Variants in P4HA1 observed in about 807,000 individuals in gnomAD.
P4HA1 encodes the protein prolyl 4-hydroxylase subunit alpha 1.
P4HA1 carries 24 observed loss-of-function variants against 72.8 expected under a neutral mutation model. The ratio of observed to expected loss-of-function variants is 0.33; its 90% confidence interval spans 0.24 to 0.46. P4HA1 has a LOEUF of 0.46. Among genes scored for constraint, P4HA1 ranks in the 20% least tolerant of loss-of-function variants. The pLI is 1.00. For missense variants in P4HA1, 446 were observed against 640.6 expected, an observed-to-expected ratio of 0.70 and a Z score of 3.28; for synonymous variants, 201 against 218.8, an observed-to-expected ratio of 0.92 and a Z score of 0.72.
At chr10:73,028,257 C>T (rs1023171324) in intron 10 of P4HA1, among the ~76,000 whole-genome samples, 43 of 150,854 alleles carry the variant, frequency 2.9e-4, no homozygotes, top group East Asian at 1.8e-3. Flanking sequence ...GAAAAGACCA[C>T]GTGTTCTGAC....
At chr10:73,016,950 T>C in intron 10 of P4HA1, 51 bp from the exon 11 acceptor site, 1 of 1,431,700 alleles carries the variant, frequency 7.0e-7, no homozygotes, top group African/African-American at 1.4e-5. Context: ...AGATTACTAT[T>C]CAAAAAAAAT....
At chr10:73,087,442 A>C (rs1176700548) in intron 1 of P4HA1, among the ~76,000 whole-genome samples, 1 of 151,510 alleles carries the variant, frequency 6.6e-6, no homozygotes, top group Non-Finnish European at 1.5e-5. Flanking sequence ...CCAATTTTGT[A>C]TTTTTAGTAG....
chr10:73,069,710 A>C (rs1232300267), intron 4 of P4HA1, among the ~76,000 whole-genome samples: 2 of 152,216 alleles, frequency 1.3e-5, no homozygotes, highest in African/African-American at 4.8e-5. Context: ...CTTAAGAAAT[A>C]AAAAATTGGT....
chr10:73,047,639 G>A (rs1296262048), intron 7 of P4HA1, among the ~76,000 whole-genome samples: 2 of 139,980 alleles, frequency 1.4e-5, no homozygotes, highest in Non-Finnish European at 3.1e-5. Context: ...ATTAAACAAA[G>A]ATCCCAGATG....
chr10:73,038,828 G>A lies in P4HA1; in HGVS notation c.1148+6153C>T, dbSNP rs1273627199. Among the ~76,000 whole-genome samples, 3 of 114,926 alleles carry A rather than the reference G, an allele frequency of 2.6e-5. 1 individual carries two copies. The highest frequency in any genetic ancestry group is 5.0e-5 in the Non-Finnish European group (3 of 60,570). 75.4% of individuals were successfully genotyped at this position (114,926 alleles called of 152,430 possible). A position where few individuals can be genotyped will look rare whatever the true frequency, so the allele number is the denominator to read the frequency against. On this transcript the variant is annotated intron_variant, in intron 9 of 14. Transcript: ENST00000394890. ...TTTTTAGTAGAGACGAGGTTTCACC[G>A]TTTTAGCCGGGATGGTCTCGATCTC...
intron 10 of P4HA1, among the ~76,000 whole-genome samples, chr10:73,027,808 G>T (rs1347000157): frequency 7.3e-6 from 1 of 136,776 alleles, no homozygotes; most frequent in Non-Finnish European, 1.6e-5. Flanking sequence ...AAGGAAATAT[G>T]GAAGGAAGGA....
intron 6 of P4HA1, 71 bp from the exon 7 acceptor site, chr10:73,051,320 TA>T: frequency 1.3e-6 from 1 of 787,674 alleles, no homozygotes; most frequent in Non-Finnish European, 2.0e-6. Flanking sequence ...TATAGTAATA[TA>T]AAAATAGGAG....
intron 1 of P4HA1, among the ~76,000 whole-genome samples, chr10:73,084,711 G>C (rs1411969502): frequency 1.3e-5 from 2 of 152,076 alleles, no homozygotes; most frequent in African/African-American, 4.8e-5. Flanking sequence ...TATATACAAA[G>C]AATAACCAAT....
chr10:73,008,317 A>AT lies in P4HA1; in HGVS notation c.1535-26dup, dbSNP rs771406615. On this transcript the variant is annotated intron_variant, in intron 14 of 14. Transcript: ENST00000394890. Reference sequence around the variant, plus strand: ...ACTGTGAGAGAAAAGTAATATATTAATTTTCCCCCTTAATCTAATCAGTAT... The same window carrying AT: ...ACTGTGAGAGAAAAGTAATATATTAATTTTTCCCCCTTAATCTAATCAGTAT... 5.1e-6 allele frequency: 7 copies of AT among 1,367,726 alleles called. No individual in the cohort carries two copies. In the East Asian group the frequency reaches 9.1e-5, roughly 18 times the overall value. 84.7% of individuals were successfully genotyped at this position (1,367,726 alleles called of 1,614,324 possible). A position where few individuals can be genotyped will look rare whatever the true frequency, so the allele number is the denominator to read the frequency against.
chr10:73,062,701 AG>A (rs1409787427), intron 5 of P4HA1, among the ~76,000 whole-genome samples: 1 of 152,252 alleles, frequency 6.6e-6, no homozygotes, highest in Non-Finnish European at 1.5e-5. Flanking sequence ...AACCGGACTT[AG>A]CTATAACCTA....
rs765442107 is a variant in P4HA1, at chr10:73,074,913, C to T, written c.-30G>A. 1.0e-6 allele frequency: 1 copy of T among 962,798 alleles called. No homozygotes were observed. The highest frequency in any genetic ancestry group is 1.4e-5 in the South Asian group (1 of 69,932). 59.6% of individuals were successfully genotyped at this position (962,798 alleles called of 1,614,324 possible). A position where few individuals can be genotyped will look rare whatever the true frequency, so the allele number is the denominator to read the frequency against. On this transcript the variant is annotated splice_region_variant and 5_prime_UTR_variant, in exon 2 of 15. It adds an upstream start codon to the 5' untranslated region. Transcript: ENST00000394890. ...GAAGATTTAATTTTACAGGATCACA[C>T]ACCTACAAAAGAAAGAGAGAAATGC...
At chr10:73,009,068 C>T (rs1839855412) in intron 14 of P4HA1, among the ~76,000 whole-genome samples, 3 of 152,144 alleles carry the variant, frequency 2.0e-5, no homozygotes, top group Admixed American at 2.0e-4. Context: ...TCTCTCTCAC[C>T]AACTAGCCTC....
intron 9 of P4HA1, among the ~76,000 whole-genome samples, chr10:73,036,051 G>A (rs1840564876): frequency 6.6e-6 from 1 of 151,936 alleles, no homozygotes; most frequent in Non-Finnish European, 1.5e-5. Context: ...AGCCAGGTGT[G>A]AAGGTGCACA....
In P4HA1 at chr10:73,073,744, C is replaced by G; in HGVS notation, c.160G>C (p.Glu54Gln). The G allele has an allele frequency of 2.7e-6, 4 of 1,504,744 alleles. No individual in the cohort carries two copies. Among genetic ancestry groups the G allele is most frequent in the Non-Finnish European group, 3.7e-6 (4 of 1,080,680 alleles). The allele number at this position is 1,504,744 out of a possible 1,614,324, so 93.2% of individuals were successfully genotyped here. Residue 54 changes from glutamate to glutamine, a missense_variant, in exon 3 of 15, where the codon GAA becomes CAA. Coordinates refer to ENST00000394890, the MANE Select transcript of P4HA1 (RefSeq NM_001017962.3). ...DYIKAEEDKLEQIKKWAEKLD... is the reference protein window; with the variant it reads ...DYIKAEEDKLQQIKKWAEKLD... ...CATTTTGCTTACTTTTTTATTTGTT[C>G]TAACTTGTCCTCTTCTGCCTTAATA...
intron 14 of P4HA1, among the ~76,000 whole-genome samples, chr10:73,009,009 C>G (rs1451849877): frequency 6.6e-6 from 1 of 152,080 alleles, no homozygotes; most frequent in African/African-American, 2.4e-5. Flanking sequence ...TGCTTTAATC[C>G]AGGCCATTAT....
In P4HA1 at chr10:73,046,994, A is replaced by G. The variant is rs752891418; in HGVS notation, c.1008T>C (p.Arg336=). The change falls in exon 8 of 15, where the codon CGT becomes CGC. Residue 336 remains arginine, a synonymous_variant. Transcript: ENST00000394890. Reference sequence around the variant, plus strand: ...AAATAATATCATGGAAGCGAATAATACGAGGCTTGTCCCATTCATCCTCCT... The same window carrying G: ...AAATAATATCATGGAAGCGAATAATGCGAGGCTTGTCCCATTCATCCTCCT... ...AKQEDEWDKP[R]IIRFHDIISD... is the part of the protein sequence containing the mutation. 4 of 1,613,320 alleles carry G rather than the reference A, an allele frequency of 2.5e-6. No homozygotes were observed. The highest frequency in any genetic ancestry group is 2.5e-6 in the Non-Finnish European group (3 of 1,179,286).
chr10:73,087,268 AT>A (rs370759559), intron 1 of P4HA1, among the ~76,000 whole-genome samples: 1,609 of 130,738 alleles, frequency 0.012, 23 homozygotes, highest in African/African-American at 0.023. Context: ...TAATGCCTTT[AT>A]TTTTTTTTTT....
chr10:73,032,277 T>C (rs1275195585), intron 9 of P4HA1, among the ~76,000 whole-genome samples: 1 of 152,206 alleles, frequency 6.6e-6, no homozygotes, highest in Non-Finnish European at 1.5e-5. Context: ...GCTAACTTTG[T>C]CAGATTCCTA....
intron 1 of P4HA1, among the ~76,000 whole-genome samples, chr10:73,082,901 A>C (rs1349015013): frequency 9.4e-6 from 1 of 106,602 alleles, no homozygotes; most frequent in Non-Finnish European, 1.6e-5. Context: ...AGCAGCTTGC[A>C]AAGAGAATCA....
Sources: gnomAD v4.1 joint callset for allele counts (sites outside exome capture counted in the v4.1 genomes callset) on GRCh38, gnomAD v4.1.1 for gene constraint, MANE v1.5 for transcripts, NCBI Gene and HGNC (gene_info 2026-07-23, HGNC 2026-07-21) for gene names.